Variants in MORN5 observed in about 807,000 individuals in gnomAD.
The protein encoded by MORN5 is MORN repeat-containing protein 5.
MORN5 carries 21 observed loss-of-function variants against 22.1 expected under a neutral mutation model. The ratio of observed to expected loss-of-function variants is 0.95; its 90% CI spans 0.67 to 1.37. MORN5 has a LOEUF of 1.37. MORN5 is among the 40% of genes most tolerant of loss of function. The probability of loss-of-function intolerance (pLI) is 0.00; values close to 1 mark genes in which losing one functional copy is unlikely to be tolerated. For synonymous variants in MORN5, 73 were observed against 74.0 expected, an observed-to-expected ratio of 0.99 and a Z score of 0.07; for missense variants, 211 against 215.1, an observed-to-expected ratio of 0.98 and a Z score of 0.12.
chr9:122,183,779 T>TTAA (rs1163613935), intron 4 of MORN5, among the ~76,000 whole-genome samples: 1 of 152,208 alleles, frequency 6.6e-6, no homozygotes. Flanking sequence ...ACGCCACCGC[T>TTAA]TAATCGTGCT....
rs1449307374 is a variant in MORN5 at position 122,197,340 on chromosome 9, TCAGA to T, written c.440-2542_440-2539del. On this transcript the variant is annotated intron_variant, in intron 4 of 4. Transcript: ENST00000373764. This position sits in a 1 kb window ranked among gnomAD's most constrained non-coding sequence, Gnocchi z 5.7. ...ATTATCTGAGAAGGTGAAGATATTC[TCAGA>T]CAATCATATTAACATATTCCAACAA... Among the ~76,000 whole-genome samples, 6 of 152,200 alleles carry T rather than the reference TCAGA, an allele frequency of 3.9e-5. No individual in the cohort carries two copies. Among genetic ancestry groups the T allele is most frequent in the Admixed American group, 3.3e-4 (5 of 15,276 alleles).
At chr9:122,171,356 C>T (rs1829363429) in intron 3 of MORN5, among the ~76,000 whole-genome samples, 1 of 152,198 alleles carries the variant, frequency 6.6e-6, no homozygotes, top group South Asian at 2.1e-4. Context: ...CTTTGCCCTC[C>T]TGACACTTAC....
intron 3 of MORN5, among the ~76,000 whole-genome samples, chr9:122,171,436 T>C (rs1406998961): frequency 6.6e-6 from 1 of 152,040 alleles, no homozygotes; most frequent in Non-Finnish European, 1.5e-5. Context: ...CCCCCAGTTA[T>C]TCACGTTGAG....
At chr9:122,192,262 G>A (rs986326688) in intron 4 of MORN5, among the ~76,000 whole-genome samples, 2 of 152,192 alleles carry the variant, frequency 1.3e-5, no homozygotes, top group African/African-American at 2.4e-5. Flanking sequence ...TTGGTTTTTG[G>A]CATTTCCTGT....
At chr9:122,164,849 T>C (rs1829252477) in intron 1 of MORN5, among the ~76,000 whole-genome samples, 1 of 152,224 alleles carries the variant, frequency 6.6e-6, no homozygotes, top group Non-Finnish European at 1.5e-5. Flanking sequence ...CATTCTGCTA[T>C]AGTTTCACAA....
chr9:122,185,649 T>G (rs1008589226), intron 4 of MORN5, among the ~76,000 whole-genome samples: 7 of 152,304 alleles, frequency 4.6e-5, no homozygotes, highest in African/African-American at 1.4e-4. Context: ...CATGAGCCAC[T>G]GCGCCTGGCC....
rs111969415 is a variant in MORN5 at position 122,168,082 on chromosome 9, T to C, written c.195+1167T>C. 9.3e-3 allele frequency among the ~76,000 whole-genome samples: 1,412 copies of C among 152,364 alleles called. 19 individuals carry two copies. The highest frequency in any genetic ancestry group is 0.029 in the African/African-American group (1,209 of 41,590). ...TCAGGATCCTTCATTTAATTGCATC[T>C]GCAAAATCCCTCTTGCCATGTAAAG... On this transcript the variant is annotated intron_variant, in intron 2 of 4. Transcript: ENST00000373764.
chr9:122,164,761 A>ACACC, intron 1 of MORN5: 4 of 258,240 alleles, frequency 1.5e-5, no homozygotes, highest in Non-Finnish European at 2.4e-5. Context: ...GGGAAGGAGA[A>ACACC]GAGGAATTCT....
intron 2 of MORN5, among the ~76,000 whole-genome samples, chr9:122,167,902 T>G (rs1486820857): frequency 6.6e-6 from 1 of 152,198 alleles, no homozygotes; most frequent in Admixed American, 6.5e-5. Context: ...TGGCCACGCA[T>G]CACTCCGACC....
chr9:122,191,943 C>T (rs561228513), intron 4 of MORN5, among the ~76,000 whole-genome samples: 1 of 152,364 alleles, frequency 6.6e-6, no homozygotes, highest in African/African-American at 2.4e-5. Context: ...CGCTCCCTTA[C>T]AGGCATCCAT....
At chr9:122,192,632 C>T (rs887899799) in intron 4 of MORN5, among the ~76,000 whole-genome samples, 9 of 152,366 alleles carry the variant, frequency 5.9e-5, no homozygotes, top group African/African-American at 1.9e-4. Flanking sequence ...GTCAGCTCCT[C>T]CCTGCCTTCA....
At chr9:122,174,068 C>T (rs1282527951) in intron 3 of MORN5, among the ~76,000 whole-genome samples, 2 of 152,212 alleles carry the variant, frequency 1.3e-5, no homozygotes, top group African/African-American at 4.8e-5. Context: ...CTCTGCTCTA[C>T]AAGGTTTCCA....
At chr9:122,187,077 G>T (rs883401) in intron 4 of MORN5, among the ~76,000 whole-genome samples, 98,817 of 152,108 alleles carry the variant, frequency 0.65, 33,247 homozygotes, top group Admixed American at 0.75. Flanking sequence ...TCCAGGGCTG[G>T]GGCCTGAAGT....
chr9:122,176,694 T>C (rs1451524397), intron 4 of MORN5, among the ~76,000 whole-genome samples: 1 of 151,950 alleles, frequency 6.6e-6, no homozygotes, highest in African/African-American at 2.4e-5. Context: ...CTGGCCAACA[T>C]AGTGAAACCC....
Position 122,169,678 on chromosome 9 carries a change from G to T in MORN5, c.229G>T (p.Asp77Tyr), listed in dbSNP as rs41302655. 0.012 allele frequency: 19,811 copies of T among 1,613,950 alleles called. 237 individuals carry two copies. The highest frequency in any genetic ancestry group is 0.012 in the Non-Finnish European group (14,220 of 1,179,852). ...TYTFSDGLHYDEKNWHYCDGY... is the reference protein window; with the variant it reads ...TYTFSDGLHYYEKNWHYCDGY... ...TACGTTCTCAGATGGGCTGCACTAT[G>T]ATGAGAAAAACTGGCATTACTGCGA... Residue 77 changes from aspartate (D) to tyrosine (Y), a missense_variant, in exon 3 of 5, where the codon GAT becomes TAT. By Grantham distance (160) the Asp-to-Tyr change is radical. Coordinates refer to ENST00000373764, the MANE Select transcript of MORN5 (RefSeq NM_198469.4).
At chr9:122,178,117 T>C (rs1488954639) in intron 4 of MORN5, among the ~76,000 whole-genome samples, 1 of 152,108 alleles carries the variant, frequency 6.6e-6, no homozygotes, top group Non-Finnish European at 1.5e-5. Context: ...CTCAGCTACT[T>C]GGGAAGCTGA....
At chr9:122,186,801 A>G (rs984441897) in intron 4 of MORN5, among the ~76,000 whole-genome samples, 1 of 152,186 alleles carries the variant, frequency 6.6e-6, no homozygotes, top group African/African-American at 2.4e-5. Flanking sequence ...GTCTCCTTTA[A>G]TAGAAGTGAG....
intron 4 of MORN5, among the ~76,000 whole-genome samples, chr9:122,194,823 C>A (rs754880750): frequency 3.9e-5 from 6 of 152,096 alleles, no homozygotes; most frequent in Non-Finnish European, 8.8e-5. Flanking sequence ...AGTTTGAAAC[C>A]AGCCTGGCCA....
Position 122,194,754 on chromosome 9 carries a change from C to A in MORN5, c.440-5131C>A, listed in dbSNP as rs141642499. On this transcript the variant is annotated intron_variant, in intron 4 of 4. Transcript: ENST00000373764. ...AAATATGCAAGCCGGGCACGGTGGA[C>A]CACACCTGTAATCCCAACACTTTAA... 6.7e-3 allele frequency among the ~76,000 whole-genome samples: 1,021 copies of A among 152,134 alleles called. 11 individuals are homozygous for A. Among genetic ancestry groups the A allele is most frequent in the African/African-American group, 0.024 (986 of 41,496 alleles).
Sources: gnomAD v4.1 joint callset for allele counts (sites outside exome capture counted in the v4.1 genomes callset) on GRCh38, gnomAD v4.1.1 for gene constraint, Gnocchi (gnomAD v3.1) non-coding constraint, MANE v1.5 for transcripts, NCBI Gene and HGNC (gene_info 2026-07-23, HGNC 2026-07-21) for gene names.